The following CLEC16A variants were observed in gnomAD, a reference collection of about 807,000 sequenced individuals.
The protein encoded by CLEC16A is C-type lectin domain containing 16A, also known as protein CLEC16A.
In CLEC16A, 51 loss-of-function variants were observed where a neutral mutation model predicts 109.5. The ratio of observed to expected loss-of-function variants is 0.47; its 90% confidence interval spans 0.37 to 0.59. The LOEUF (loss-of-function observed/expected upper bound fraction) is 0.59, where lower values mean the gene tolerates loss of function less well. CLEC16A is among the 20% of genes least tolerant of loss of function. The probability of loss-of-function intolerance (pLI) is 0.00; values close to 1 mark genes in which losing one functional copy is unlikely to be tolerated. For missense variants in CLEC16A, 1,339 were observed against 1,394.0 expected, an observed-to-expected ratio of 0.96 and a Z score of 0.63; for synonymous variants, 673 against 564.2, an observed-to-expected ratio of 1.19 and a Z score of -2.73.
rs539298042 is a variant in CLEC16A, at chr16:11,051,363, G to T, written c.1867-150G>T. ...TGCTCCCTTATCTGGCTGCCTCTGT[G>T]CTTTACTTCAATCTAAATCCAGGAT... is the stretch of plus-strand genomic sequence containing the variant. On this transcript the variant is annotated intron_variant, in intron 17 of 23. Coordinates refer to ENST00000409790, the MANE Select transcript of CLEC16A (RefSeq NM_015226.3). 1.6e-5 allele frequency: 13 copies of T among 828,988 alleles called. No homozygotes were observed. In the South Asian group the frequency reaches 2.4e-4, roughly 15 times the overall value. The allele number at this position is 828,988 out of a possible 1,614,324, so 51.4% of individuals were successfully genotyped here.
intron 22 of CLEC16A, chr16:11,157,180 T>C (rs1419245652): frequency 1.6e-6 from 2 of 1,261,588 alleles, no homozygotes; most frequent in Admixed American, 6.0e-5. Context: ...ATGTTGGACA[T>C]GTTATCCGTT....
At chr16:10,968,827 A>G (rs559358155) in intron 3 of CLEC16A, among the ~76,000 whole-genome samples, 1 of 152,270 alleles carries the variant, frequency 6.6e-6, no homozygotes, top group East Asian at 1.9e-4. Context: ...TGGTTTGTGA[A>G]AATGCCCACA....
At chr16:11,121,327 T>G (rs564879218) in intron 20 of CLEC16A, among the ~76,000 whole-genome samples, 24 of 152,326 alleles carry the variant, frequency 1.6e-4, no homozygotes, top group African/African-American at 5.5e-4. Context: ...CAGACGGTGC[T>G]GCCATGAACA....
intron 13 of CLEC16A, among the ~76,000 whole-genome samples, chr16:11,033,274 G>A (rs1042437418): frequency 4.6e-5 from 7 of 152,056 alleles, no homozygotes; most frequent in Non-Finnish European, 7.4e-5. Flanking sequence ...TAGGGGTGAG[G>A]GGTTCTGGTT....
Position 11,179,947 on chromosome 16 carries a change from G to C in CLEC16A, c.*1257G>C, listed in dbSNP as rs201992232. On this transcript the variant is annotated 3_prime_UTR_variant, in exon 24 of 24. Transcript: ENST00000409790. Reference sequence around the variant, plus strand: ...ATGTTCCTTTCTACTCGGCCAGCTCGGGAGCCAGACACAGCACTCACAGCC... The same window carrying C: ...ATGTTCCTTTCTACTCGGCCAGCTCCGGAGCCAGACACAGCACTCACAGCC... 1 of 152,844 alleles carries C rather than the reference G, an allele frequency of 6.5e-6. No individual in the cohort carries two copies. Among genetic ancestry groups the C allele is most frequent in the African/African-American group, 2.4e-5 (1 of 41,450 alleles). The allele number at this position is 152,844 out of a possible 1,614,324, so 9.5% of individuals were successfully genotyped here.
Position 10,971,111 on chromosome 16 carries a change from T to G in CLEC16A, c.493-14T>G. ...TGGGCTTATAATTTGTTTTCGTTAT[T>G]TCTTTTGTTTTAGCACACCAATGAC... On this transcript the variant is annotated splice_polypyrimidine_tract_variant and intron_variant, in intron 4 of 23. Transcript: ENST00000409790. 2 of 1,588,978 alleles carry G rather than the reference T, an allele frequency of 1.3e-6. No individual in the cohort carries two copies. Among genetic ancestry groups the G allele is most frequent in the South Asian group, 1.1e-5 (1 of 90,304 alleles).
chr16:11,121,987 C>T (rs2052453740), intron 20 of CLEC16A, among the ~76,000 whole-genome samples: 1 of 152,084 alleles, frequency 6.6e-6, no homozygotes, highest in East Asian at 1.9e-4. Context: ...AAGCAGCCTC[C>T]CAGGTCGCCC....
intron 11 of CLEC16A, among the ~76,000 whole-genome samples, chr16:11,004,355 C>G (rs2044860941): frequency 6.6e-6 from 1 of 152,186 alleles, no homozygotes; most frequent in Admixed American, 6.5e-5. Context: ...GAGCTTGATA[C>G]TTGGTAGAAG....
intron 22 of CLEC16A, among the ~76,000 whole-genome samples, chr16:11,155,125 C>A (rs1179694099): frequency 6.6e-6 from 1 of 152,026 alleles, no homozygotes; most frequent in Non-Finnish European, 1.5e-5. Context: ...GACCCTGTCT[C>A]CAAAAAAAGA....
intron 11 of CLEC16A, among the ~76,000 whole-genome samples, chr16:11,019,034 CG>C (rs925017761): frequency 6.6e-6 from 1 of 152,078 alleles, no homozygotes; most frequent in Non-Finnish European, 1.5e-5. Flanking sequence ...CTGCATGAGC[CG>C]GGGGGAGGGA....
At chr16:11,069,765 A>G (rs540016998) in intron 19 of CLEC16A, among the ~76,000 whole-genome samples, 1 of 152,324 alleles carries the variant, frequency 6.6e-6, no homozygotes, top group Non-Finnish European at 1.5e-5. Context: ...AAAAAACAAC[A>G]ACAAAAAAAT....
At chr16:11,039,233 A>G (rs1470413986) in intron 13 of CLEC16A, among the ~76,000 whole-genome samples, 2 of 151,996 alleles carry the variant, frequency 1.3e-5, no homozygotes, top group Admixed American at 6.5e-5. Flanking sequence ...GTACCTGCCA[A>G]CCTCCCTTTT....
intron 19 of CLEC16A, among the ~76,000 whole-genome samples, chr16:11,109,210 GGCAGTGGT>G (rs951598686): frequency 6.7e-6 from 1 of 149,530 alleles, no homozygotes; most frequent in African/African-American, 2.5e-5. Context: ...CTGTCACCCA[GGCAGTGGT>G]GCAGTGGTGC....
chr16:11,035,043 G>C (rs1461382884), intron 13 of CLEC16A, among the ~76,000 whole-genome samples: 1 of 152,220 alleles, frequency 6.6e-6, no homozygotes, highest in Non-Finnish European at 1.5e-5. Flanking sequence ...TCAGCCACCA[G>C]GTTGTTTCAG....
chr16:10,973,887 C>CTTTTT (rs569414844), intron 7 of CLEC16A, among the ~76,000 whole-genome samples: 483 of 46,584 alleles, frequency 0.01, 138 homozygotes, highest in Middle Eastern at 0.065. Flanking sequence ...GGGCTGCTTG[C>CTTTTT]TTTTTTTTTT....
At chr16:10,993,349 A>C (rs1262361395) in intron 10 of CLEC16A, among the ~76,000 whole-genome samples, 1 of 152,204 alleles carries the variant, frequency 6.6e-6, no homozygotes, top group Non-Finnish European at 1.5e-5. Context: ...ACTGCACTCC[A>C]GCCTGGGCAA....
At chr16:11,106,638 C>T (rs2051239534) in intron 19 of CLEC16A, among the ~76,000 whole-genome samples, 1 of 151,916 alleles carries the variant, frequency 6.6e-6, no homozygotes. Context: ...TTGCATGCCA[C>T]CACACCTGGC....
At chr16:11,154,507 C>T (rs2054427312) in intron 22 of CLEC16A, among the ~76,000 whole-genome samples, 1 of 152,200 alleles carries the variant, frequency 6.6e-6, no homozygotes, top group African/African-American at 2.4e-5. Context: ...TTTGTTAACT[C>T]CTAAAATCTT....
At chr16:11,117,057 T>C (rs2052047517) in intron 19 of CLEC16A, among the ~76,000 whole-genome samples, 1 of 152,154 alleles carries the variant, frequency 6.6e-6, no homozygotes, top group Non-Finnish European at 1.5e-5. Context: ...GCTGGCAGCC[T>C]AAGTGAATTG....
Sources: gnomAD v4.1 joint callset for allele counts (sites outside exome capture counted in the v4.1 genomes callset) on GRCh38, gnomAD v4.1.1 for gene constraint, MANE v1.5 for transcripts, NCBI Gene and HGNC (gene_info 2026-07-23, HGNC 2026-07-21) for gene names.